Variants in NPTN observed in about 807,000 individuals in gnomAD.
The protein encoded by NPTN is neuroplastin, also known as SDR-1.
In NPTN, 5 loss-of-function variants were observed where a neutral mutation model predicts 42.7. The ratio of observed to expected loss-of-function variants is 0.12; its 90% CI spans 0.06 to 0.25. NPTN has a LOEUF of 0.25. NPTN is among the 10% of genes least tolerant of loss of function. The probability of loss-of-function intolerance (pLI) is 1.00; values close to 1 mark genes in which losing one functional copy is unlikely to be tolerated. For synonymous variants in NPTN, 180 were observed against 201.9 expected, an observed-to-expected ratio of 0.89 and a Z score of 0.92; for missense variants, 307 against 525.4, an observed-to-expected ratio of 0.58 and a Z score of 4.06.
At chr15:73,605,109 G>A (rs1033843918) in intron 1 of NPTN, among the ~76,000 whole-genome samples, 2 of 144,226 alleles carry the variant, frequency 1.4e-5, no homozygotes, top group Admixed American at 6.7e-5. Flanking sequence ...AGGGGGGGGG[G>A]GGAAAAGAAT....
chr15:73,565,235 A>T (rs1894916769), intron 6 of NPTN, among the ~76,000 whole-genome samples: 1 of 152,050 alleles, frequency 6.6e-6, no homozygotes, highest in Non-Finnish European at 1.5e-5. Context: ...TGACAAACAA[A>T]AGAGCCTCAT....
chr15:73,570,500 C>A lies in NPTN; in HGVS notation c.841-77G>T. 2 of 1,391,242 alleles carry A rather than the reference C, an allele frequency of 1.4e-6. No individual in the cohort carries two copies. The highest frequency in any genetic ancestry group is 1.3e-5 in the South Asian group (1 of 75,498). 86.2% of individuals were successfully genotyped at this position (1,391,242 alleles called of 1,614,324 possible). ...TTCAAGAGAGGGTGACACTGCTCTC[C>A]GTTCTTTTTAGGCACCAGCCAGAAT... On this transcript the variant is annotated intron_variant, in intron 5 of 8. Coordinates refer to ENST00000345330, the MANE Select transcript of NPTN (RefSeq NM_012428.4). This position sits in a 1 kb window ranked among gnomAD's most constrained non-coding sequence, Gnocchi z 4.0.
In NPTN at chr15:73,597,350, G is replaced by A. The variant is rs756373684; in HGVS notation, c.111C>T (p.Pro37=). ...CCCCCGTGAGCTTAGTTTCTGACAT[G>A]GGCGACTTGACAAACCCAGCTAGAG... ...AAQNAGFVKS[P]MSETKLTGDA... Residue 37 remains proline, a synonymous_variant, in exon 2 of 9, where the codon CCC becomes CCT. Coordinates refer to ENST00000345330, the MANE Select transcript of NPTN (RefSeq NM_012428.4). The surrounding 1 kb of genome is among the most constrained non-coding windows in gnomAD (Gnocchi z 6.3). The A allele has an allele frequency of 1.2e-6, 2 of 1,612,622 alleles. No individual in the cohort carries two copies. The highest frequency in any genetic ancestry group is 2.2e-5 in the South Asian group (2 of 91,038).
intron 4 of NPTN, among the ~76,000 whole-genome samples, chr15:73,583,898 C>T (rs1351424283): frequency 6.6e-6 from 1 of 152,210 alleles, no homozygotes; most frequent in Non-Finnish European, 1.5e-5. Flanking sequence ...TCATCCCCAC[C>T]ACACTGCCTT....
chr15:73,579,237 C>T (rs1347246094), intron 4 of NPTN, among the ~76,000 whole-genome samples: 1 of 150,334 alleles, frequency 6.7e-6, no homozygotes, highest in Admixed American at 6.6e-5. Flanking sequence ...TGAGATCGCG[C>T]CACTGCACTC....
At position 73,633,300 on chromosome 15, in the gene NPTN, C is replaced by G; in HGVS notation, c.-85G>C. ...GGAGGGGAGGGAGGGAGGGGGCGGG[C>G]GAGTGCGCGAGGGAGTGAGCGAGGG... On this transcript the variant is annotated 5_prime_UTR_variant, in exon 1 of 9. Coordinates refer to ENST00000345330, the MANE Select transcript of NPTN (RefSeq NM_012428.4). 1.0e-6 allele frequency: 1 copy of G among 972,334 alleles called. No homozygotes were observed. The highest frequency in any genetic ancestry group is 1.4e-6 in the Non-Finnish European group (1 of 689,762). The allele number at this position is 972,334 out of a possible 1,614,324, so 60.2% of individuals were successfully genotyped here.
At chr15:73,619,436 C>T (rs1898023612) in intron 1 of NPTN, among the ~76,000 whole-genome samples, 2 of 152,148 alleles carry the variant, frequency 1.3e-5, no homozygotes, top group South Asian at 4.1e-4. Context: ...ATTTCTAAGT[C>T]AAGCAACAAC....
chr15:73,566,228 A>G (rs1489125315), intron 6 of NPTN, among the ~76,000 whole-genome samples: 1 of 152,176 alleles, frequency 6.6e-6, no homozygotes, highest in Admixed American at 6.5e-5. Flanking sequence ...TTCTTTTCCA[A>G]TATCCCTAGT....
intron 1 of NPTN, among the ~76,000 whole-genome samples, chr15:73,623,696 C>T (rs75119424): frequency 0.011 from 1,602 of 152,266 alleles, 22 homozygotes; most frequent in East Asian, 0.054. Context: ...CAAAACAAAA[C>T]AAACAACAGA....
chr15:73,579,355 T>C (rs917844796), intron 4 of NPTN, among the ~76,000 whole-genome samples: 1 of 151,844 alleles, frequency 6.6e-6, no homozygotes, highest in Non-Finnish European at 1.5e-5. Context: ...GGAAATGTTC[T>C]ATGTTAGGGA....
At chr15:73,632,970 C>T (rs974397528) in intron 1 of NPTN, among the ~76,000 whole-genome samples, 155 bp downstream of exon 1, 2 of 152,194 alleles carry the variant, frequency 1.3e-5, no homozygotes, top group Non-Finnish European at 2.9e-5. Context: ...CCTCCTCAAA[C>T]CCGCAGCCGG....
chr15:73,601,822 T>C (rs1185170795), intron 1 of NPTN, among the ~76,000 whole-genome samples: 1 of 152,098 alleles, frequency 6.6e-6, no homozygotes, highest in African/African-American at 2.4e-5. Context: ...GGTTACTGGC[T>C]TTGAGGGAGG....
rs537386814 is a variant in NPTN, at chr15:73,562,876, T to C, written c.1136+360A>G. On this transcript the variant is annotated intron_variant, in intron 7 of 8. Coordinates refer to ENST00000345330, the MANE Select transcript of NPTN (RefSeq NM_012428.4). The stretch of plus-strand genomic sequence containing the variant: ...TCCTTAAGTAGCTACAGGTTGAGTA[T>C]TCCTCATCTGAAATGCTTGGGATCA... Among the ~76,000 whole-genome samples, 44 of 152,314 alleles carry C rather than the reference T, an allele frequency of 2.9e-4. No homozygotes were observed. The South Asian group carries it at 8.9e-3, about 31-fold the overall frequency.
Position 73,592,017 on chromosome 15 carries a change from T to C in NPTN, c.560A>G (p.Asn187Ser), listed in dbSNP as rs772292418. ...HTLTYSYWTK[N>S]GVELSATRKN... is the part of the protein sequence containing the mutation. Reference sequence around the variant, plus strand: ...ACGAGTGGCACTCAGTTCCACCCCATTCTTTGTCCAGTAGCTGTATGTAAG... The same window carrying C: ...ACGAGTGGCACTCAGTTCCACCCCACTCTTTGTCCAGTAGCTGTATGTAAG... The change falls in exon 3 of 9, where the codon AAT (asparagine) becomes AGT (serine). Residue 187 changes from asparagine to serine, a missense_variant. Physicochemically the swap from Asn to Ser is conservative, Grantham distance 46. Transcript: ENST00000345330. 3 of 1,613,998 alleles carry C rather than the reference T, an allele frequency of 1.9e-6. No homozygotes were observed. The highest frequency in any genetic ancestry group is 8.5e-7 in the Non-Finnish European group (1 of 1,179,974).
chr15:73,601,551 A>G (rs936373515), intron 1 of NPTN, among the ~76,000 whole-genome samples: 1 of 152,206 alleles, frequency 6.6e-6, no homozygotes, highest in Non-Finnish European at 1.5e-5. Flanking sequence ...TTTCAAACAA[A>G]TATGTACCTT....
chr15:73,583,200 T>C (rs550604282), intron 4 of NPTN, among the ~76,000 whole-genome samples: 1 of 152,322 alleles, frequency 6.6e-6, no homozygotes, highest in Non-Finnish European at 1.5e-5. Flanking sequence ...AGAAGGGAAG[T>C]GACTGGTCAG....
Position 73,580,441 on chromosome 15 carries a change from A to ATAATATATATAATATATATT in NPTN, c.707-6647_707-6646insAATATATATTATATATATTA, listed in dbSNP as rs1555408012. Among the ~76,000 whole-genome samples the ATAATATATATAATATATATT allele has an allele frequency of 4.2e-3, 475 of 113,890 alleles. 6 individuals are homozygous for ATAATATATATAATATATATT. Among genetic ancestry groups the ATAATATATATAATATATATT allele is most frequent in the African/African-American group, 0.019 (451 of 24,132 alleles). 74.7% of individuals were successfully genotyped at this position (113,890 alleles called of 152,430 possible). On this transcript the variant is annotated intron_variant, in intron 4 of 8. Transcript: ENST00000345330. ...TATATAATATATATATAATATATAT[A>ATAATATATATAATATATATT]ATATATATGTATATATACAAAATAT...
At chr15:73,615,815 T>A (rs970752115) in intron 1 of NPTN, among the ~76,000 whole-genome samples, 14 of 152,144 alleles carry the variant, frequency 9.2e-5, no homozygotes, top group African/African-American at 2.9e-4. Context: ...TACTGACAGA[T>A]CTCCAAGATG....
chr15:73,598,718 G>C (rs1161864178), intron 1 of NPTN, among the ~76,000 whole-genome samples: 1 of 152,162 alleles, frequency 6.6e-6, no homozygotes, highest in Non-Finnish European at 1.5e-5. Flanking sequence ...GCAGTAAGCA[G>C]GGAGTGAGGT....
Sources: gnomAD v4.1 joint callset for allele counts (sites outside exome capture counted in the v4.1 genomes callset) on GRCh38, gnomAD v4.1.1 for gene constraint, Gnocchi (gnomAD v3.1) non-coding constraint, MANE v1.5 for transcripts, NCBI Gene and HGNC (gene_info 2026-07-23, HGNC 2026-07-21) for gene names.